Variants in TG observed in about 807,000 individuals in gnomAD.
TG encodes thyroglobulin, also known as thyroid hormones.
In TG, 270 loss-of-function variants were observed where a neutral mutation model predicts 324.7. That is an observed-to-expected ratio of 0.83 (90% CI 0.75 to 0.92). The LOEUF (loss-of-function observed/expected upper bound fraction) is 0.92, where lower values mean the gene tolerates loss of function less well. Ranked by LOEUF, TG falls within the 40% of genes least tolerant of loss-of-function variation. The pLI, the probability that TG is intolerant of heterozygous loss-of-function variation, is 0.00. For synonymous variants in TG, 1,401 were observed against 1,327.0 expected (o/e 1.06, Z -1.21); for missense variants, 3,591 against 3,456.4 (o/e 1.04, Z -0.98).
In TG at chr8:133,096,351, T is replaced by C. The variant is rs1360857341; in HGVS notation, c.7550T>C (p.Ile2517Thr). ...GGGAGTTCTCAGGACGACGGGCTCA[T>C]CAACAGAGCAAAGGCTGTGAAGGTA... ...LIGSSQDDGL[I>T]NRAKAVKQFE... Residue 2517 changes from isoleucine to threonine, a missense_variant, in exon 43 of 48, where the codon ATC becomes ACC. Physicochemically the swap from Ile to Thr is moderately conservative, Grantham distance 89 (BLOSUM62 -1). Coordinates refer to ENST00000220616, the MANE Select transcript of TG (RefSeq NM_003235.5). 7 of 1,614,152 alleles carry C rather than the reference T, an allele frequency of 4.3e-6. No homozygotes were observed. The highest frequency in any genetic ancestry group is 5.9e-6 in the Non-Finnish European group (7 of 1,180,032).
chr8:133,133,743 G>A lies in TG; in HGVS notation c.8188+83G>A, dbSNP rs367747729. ...GCTCGCTGCATGAGACCTGTGCTGC[G>A]CGCGCATTGGAGCCAAGGGGTCACC... On this transcript the variant is annotated intron_variant, in intron 47 of 47. Coordinates refer to ENST00000220616, the MANE Select transcript of TG (RefSeq NM_003235.5). The A allele has an allele frequency of 5.5e-5, 82 of 1,497,698 alleles. 1 individual carries two copies. The highest frequency in any genetic ancestry group is 1.4e-4 in the South Asian group (12 of 83,526). The allele number at this position is 1,497,698 out of a possible 1,614,324, so 92.8% of individuals were successfully genotyped here. A position where few individuals can be genotyped will look rare whatever the true frequency, so the allele number is the denominator to read the frequency against.
At chr8:133,036,865 A>T (rs1309336293) in intron 41 of TG, 2 of 152,626 alleles carry the variant, frequency 1.3e-5, no homozygotes, top group African/African-American at 4.8e-5. Flanking sequence ...AACGGAAAAC[A>T]ACACATAAGA....
intron 16 of TG, among the ~76,000 whole-genome samples, chr8:132,906,028 T>G (rs757104890): frequency 9.2e-5 from 14 of 152,184 alleles, no homozygotes; most frequent in Non-Finnish European, 1.6e-4. Flanking sequence ...GAGCTGATAT[T>G]CGGCTCTGGC....
At chr8:132,889,517 T>G (rs1372970573) in intron 10 of TG, among the ~76,000 whole-genome samples, 1 of 152,216 alleles carries the variant, frequency 6.6e-6, no homozygotes, top group East Asian at 1.9e-4. Context: ...AGCCCAGAGA[T>G]GACAATGCAA....
intron 41 of TG, among the ~76,000 whole-genome samples, chr8:133,077,997 T>C (rs1029640806): frequency 6.6e-6 from 1 of 152,202 alleles, no homozygotes; most frequent in East Asian, 1.9e-4. Context: ...GTGTGAAGGT[T>C]GTTCTTTCTT....
chr8:133,024,972 C>A (rs951810867), intron 40 of TG, among the ~76,000 whole-genome samples: 1 of 152,090 alleles, frequency 6.6e-6, no homozygotes, highest in African/African-American at 2.4e-5. Context: ...GGGTATATAC[C>A]CACAGGATTA....
intron 45 of TG, among the ~76,000 whole-genome samples, chr8:133,126,211 A>C (rs1851506050): frequency 1.3e-5 from 2 of 152,162 alleles, no homozygotes; most frequent in Non-Finnish European, 2.9e-5. Context: ...CTGCCTTTGA[A>C]CTTCTTGCAA....
intron 34 of TG, among the ~76,000 whole-genome samples, chr8:132,979,370 G>C (rs1830552185): frequency 6.6e-6 from 1 of 152,194 alleles, no homozygotes; most frequent in South Asian, 2.1e-4. Flanking sequence ...CACAGTTCCT[G>C]TCTTCTGCTA....
At chr8:133,024,177 G>C (rs1192150346) in intron 40 of TG, among the ~76,000 whole-genome samples, 1 of 152,228 alleles carries the variant, frequency 6.6e-6, no homozygotes, top group East Asian at 1.9e-4. Context: ...CTTCAACTCT[G>C]TTGGTGGAAC....
rs1390445141 is a variant in TG, at chr8:133,091,891, ATCTATGAC to A, written c.7240-3151_7240-3144del. On this transcript the variant is annotated intron_variant, in intron 41 of 47. Coordinates refer to ENST00000220616, the MANE Select transcript of TG (RefSeq NM_003235.5). ...TGTATCTCTGTGTGAGTGTGTCTCT[ATCTATGAC>A]TGTGTGTCTCCATCTGTGGCTACGT... Among the ~76,000 whole-genome samples the A allele has an allele frequency of 1.7e-4, 26 of 151,326 alleles. 1 individual carries two copies. The highest frequency in any genetic ancestry group is 1.0e-3 in the South Asian group (5 of 4,780).
rs371526739 is a variant in TG, at chr8:133,101,757, T to C, written c.7572+5384T>C. On this transcript the variant is annotated intron_variant, in intron 43 of 47. Coordinates refer to ENST00000220616, the MANE Select transcript of TG (RefSeq NM_003235.5). ...AGGCAAACAACTGAAACACCATTGA[T>C]ACATACTATATGGAGAGATGGACAT... Among the ~76,000 whole-genome samples, 61 of 152,342 alleles carry C rather than the reference T, an allele frequency of 4.0e-4. 1 individual carries two copies. In the South Asian group the frequency reaches 9.9e-3, roughly 25 times the overall value.
intron 35 of TG, among the ~76,000 whole-genome samples, chr8:132,985,741 T>A (rs1295073986): frequency 6.6e-6 from 1 of 152,122 alleles, no homozygotes; most frequent in African/African-American, 2.4e-5. Flanking sequence ...CTGCAGATCG[T>A]GTGGGTGCTT....
At chr8:132,977,787 A>G (rs898454843) in intron 34 of TG, among the ~76,000 whole-genome samples, 3 of 152,160 alleles carry the variant, frequency 2.0e-5, no homozygotes, top group African/African-American at 7.2e-5. Flanking sequence ...GGGAGCTACA[A>G]GATGAGATTT....
chr8:133,042,555 TA>T (rs1326168957), intron 41 of TG, among the ~76,000 whole-genome samples: 1 of 152,032 alleles, frequency 6.6e-6, no homozygotes, highest in South Asian at 2.1e-4. Context: ...ATGTTGTAAG[TA>T]AAAAAATTGA....
chr8:133,102,708 C>CTGCCTACATT, intron 43 of TG: 1 of 751,122 alleles, frequency 1.3e-6, no homozygotes, highest in Non-Finnish European at 2.3e-6. Context: ...AATTGACAGT[C>CTGCCTACATT]TGCCTACATT....
At chr8:132,970,851 A>T (rs1829404078) in intron 32 of TG, among the ~76,000 whole-genome samples, 1 of 152,214 alleles carries the variant, frequency 6.6e-6, no homozygotes, top group Non-Finnish European at 1.5e-5. Flanking sequence ...GTAAGTGGAC[A>T]GGTTAGCAGA....
At chr8:133,108,829 G>A (rs948336056) in intron 43 of TG, among the ~76,000 whole-genome samples, 1 of 152,194 alleles carries the variant, frequency 6.6e-6, no homozygotes, top group Non-Finnish European at 1.5e-5. Context: ...TGGAACAATA[G>A]GCAAATAAAC....
intron 35 of TG, chr8:132,994,791 G>T: frequency 7.8e-7 from 1 of 1,287,524 alleles, no homozygotes; most frequent in East Asian, 5.6e-5. Flanking sequence ...TGGAGTACCT[G>T]GTGTCATGGG....
intron 18 of TG, among the ~76,000 whole-genome samples, chr8:132,910,393 C>T (rs1233927427): frequency 6.6e-6 from 1 of 152,124 alleles, no homozygotes; most frequent in Middle Eastern, 3.2e-3. Context: ...CTCTAGGCAC[C>T]CAAGCTTTTG....
Sources: gnomAD v4.1 joint callset for allele counts (sites outside exome capture counted in the v4.1 genomes callset) on GRCh38, gnomAD v4.1.1 for gene constraint, MANE v1.5 for transcripts, NCBI Gene and HGNC (gene_info 2026-07-23, HGNC 2026-07-21) for gene names.